ACSL4: variants seen among roughly 807,000 people sequenced by gnomAD.
ACSL4 encodes long-chain-fatty-acid--CoA ligase 4.
Under a neutral mutation model 49.1 loss-of-function variants are expected in ACSL4, and 9 were observed. That is an observed-to-expected ratio of 0.18 (90% confidence interval 0.11 to 0.32). ACSL4 has a LOEUF of 0.32. Ranked by LOEUF, ACSL4 falls within the 10% of genes least tolerant of loss-of-function variation. The pLI is 1.00. For missense variants in ACSL4, 333 were observed against 493.7 expected (o/e 0.67, Z 3.08); for synonymous variants, 191 against 170.3 (o/e 1.12, Z -0.95).
chrX:109,705,927 C>T (rs1207455479), intron 1 of ACSL4, among the ~76,000 whole-genome samples: 1 of 112,698 alleles, frequency 8.9e-6, no homozygotes, highest in Non-Finnish European at 1.9e-5. Context: ...AAACTCCCGA[C>T]CTCAGGTGAT....
intron 13 of ACSL4, among the ~76,000 whole-genome samples, chrX:109,662,867 G>A (rs1459653900): frequency 9.0e-6 from 1 of 111,377 alleles, no homozygotes; most frequent in Non-Finnish European, 1.9e-5. Context: ...CAAGAAAGAC[G>A]TCCTCTGAGC....
intron 1 of ACSL4, among the ~76,000 whole-genome samples, chrX:109,729,941 C>A (rs1363537282): frequency 8.9e-6 from 1 of 111,909 alleles, no homozygotes; most frequent in African/African-American, 3.3e-5. Flanking sequence ...TCAGTGGTTG[C>A]CAGGAGTCAG....
intron 3 of ACSL4, 22 bp from the exon 4 acceptor site, chrX:109,682,918 T>C (rs753700592): frequency 1.7e-6 from 2 of 1,176,070 alleles, no homozygotes; most frequent in South Asian, 3.6e-5. Context: ...ATACATTCTC[T>C]AATATTAGTA....
rs935775051 is a variant in ACSL4, at chrX:109,704,407, C to T, written c.-65-8211G>A. On this transcript the variant is annotated intron_variant, in intron 1 of 15. Transcript: ENST00000672401. ...GCCAAGAGAAATAGTCCAATCTTAG[C>T]TAATAATTCTATTATCATTCATTTT... Among the ~76,000 whole-genome samples, 80 of 74,815 alleles carry T rather than the reference C, an allele frequency of 1.1e-3. 1 individual carries two copies. The highest frequency in any genetic ancestry group is 2.5e-4 in the Non-Finnish European group (8 of 32,317). 65.0% of individuals were successfully genotyped at this position (74,815 alleles called of 115,157 possible).
intron 12 of ACSL4, among the ~76,000 whole-genome samples, chrX:109,664,865 T>G: frequency 8.9e-6 from 1 of 112,326 alleles, no homozygotes; most frequent in Middle Eastern, 4.6e-3. Context: ...TATCTTTCAT[T>G]AAGAAGACTG....
chrX:109,668,725 T>C, intron 10 of ACSL4, among the ~76,000 whole-genome samples: 1 of 111,891 alleles, frequency 8.9e-6, no homozygotes, highest in Admixed American at 9.5e-5. Flanking sequence ...TTTTTTTAGT[T>C]AGAAATGACA....
rs777069871 is a variant in ACSL4, at chrX:109,643,994, A to G, written c.*35T>C. ...TCTAGAGGTTGAAAACCACCAGGCTACCTCCTGCACAACTGTCAATAAGAC... is the reference window on the plus strand; with the variant it reads ...TCTAGAGGTTGAAAACCACCAGGCTGCCTCCTGCACAACTGTCAATAAGAC... On this transcript the variant is annotated 3_prime_UTR_variant, in exon 16 of 16. Transcript: ENST00000672401. 8.3e-7 allele frequency: 1 copy of G among 1,205,083 alleles called. No homozygotes were observed. The highest frequency in any genetic ancestry group is 1.1e-6 in the Non-Finnish European group (1 of 889,745).
intron 1 of ACSL4, among the ~76,000 whole-genome samples, chrX:109,730,249 A>T (rs762187069): frequency 1.2e-4 from 14 of 112,584 alleles, no homozygotes; most frequent in African/African-American, 4.5e-4. Context: ...ATGTGAATCT[A>T]CAACTATCTC....
At chrX:109,691,324 T>C (rs1416862566) in intron 2 of ACSL4, among the ~76,000 whole-genome samples, 1 of 112,362 alleles carries the variant, frequency 8.9e-6, no homozygotes, top group Non-Finnish European at 1.9e-5. Context: ...ATTTGCCTTC[T>C]GAAAAAGATT....
In ACSL4 at chrX:109,696,193, C is replaced by T. The variant is rs1264149690; in HGVS notation, c.-62G>A. The T allele has an allele frequency of 8.9e-6, 1 of 112,347 alleles. No homozygotes were observed. Among genetic ancestry groups the T allele is most frequent in the Non-Finnish European group, 1.9e-5 (1 of 53,276 alleles). The allele number at this position is 112,347 out of a possible 1,213,427, so 9.3% of individuals were successfully genotyped here. On this transcript the variant is annotated 5_prime_UTR_variant, in exon 2 of 16. Coordinates refer to ENST00000672401, the MANE Select transcript of ACSL4 (RefSeq NM_001318510.2). ...AGAACACGAATATCTTCTGTGATTT[C>T]AATCTGCAGTAAGAGACAGCATTTA...
intron 9 of ACSL4, among the ~76,000 whole-genome samples, chrX:109,672,388 A>C (rs1053167417): frequency 3.6e-5 from 4 of 111,569 alleles, no homozygotes; most frequent in Non-Finnish European, 7.5e-5. Flanking sequence ...CATAGACATC[A>C]GCAAGGCCTT....
intron 1 of ACSL4, among the ~76,000 whole-genome samples, chrX:109,714,476 G>A (rs1926977204): frequency 8.9e-6 from 1 of 111,981 alleles, no homozygotes; most frequent in South Asian, 3.7e-4. Context: ...GTGGACAGTG[G>A]TGTACAGTAA....
chrX:109,681,531 T>C (rs1000333740), intron 4 of ACSL4, among the ~76,000 whole-genome samples, 156 bp from the exon 5 acceptor site: 1 of 112,332 alleles, frequency 8.9e-6, no homozygotes, highest in Non-Finnish European at 1.9e-5. Context: ...CCTTCAACCT[T>C]GCTTCAAACT....
chrX:109,674,402 C>T lies in ACSL4; in HGVS notation c.1002G>A (p.Pro334=), dbSNP rs763924578. The T allele has an allele frequency of 4.9e-5, 59 of 1,197,240 alleles. No homozygotes were observed. The highest frequency in any genetic ancestry group is 6.2e-5 in the Non-Finnish European group (55 of 883,719). Residue 334 remains proline (P), a splice_region_variant and synonymous_variant, in exon 9 of 16, where the codon CCG becomes CCA. Transcript: ENST00000672401. ...VLKPTLMAAV[P]EIMDRIYKNV... The stretch of plus-strand genomic sequence containing the variant: ...GTTCATATTCATATTCTGTACTCAC[C>T]GGAACAGCAGCCATAAGTGTGGGCT...
chrX:109,666,605 A>G (rs941435130), intron 11 of ACSL4, among the ~76,000 whole-genome samples: 2 of 111,907 alleles, frequency 1.8e-5, no homozygotes, highest in African/African-American at 3.3e-5. Context: ...ATGTAGGCAG[A>G]CACAGCTGTT....
intron 8 of ACSL4, among the ~76,000 whole-genome samples, chrX:109,676,527 A>G (rs1024959156): frequency 1.8e-5 from 2 of 111,374 alleles, no homozygotes; most frequent in African/African-American, 3.3e-5. Context: ...AGCCACGTAT[A>G]GACAAGTCAT....
At chrX:109,645,393 C>T (rs1423370572) in intron 15 of ACSL4, among the ~76,000 whole-genome samples, 1 of 112,234 alleles carries the variant, frequency 8.9e-6, no homozygotes, top group African/African-American at 3.2e-5. Context: ...AAATGGGAGG[C>T]ACCCCCCAGC....
chrX:109,708,605 AC>A (rs1926534609), intron 1 of ACSL4, among the ~76,000 whole-genome samples: 3 of 112,002 alleles, frequency 2.7e-5, no homozygotes, highest in Admixed American at 9.5e-5. Flanking sequence ...TACTATAACT[AC>A]CATGGTTAAC....
At chrX:109,718,763 A>G (rs1927320702) in intron 1 of ACSL4, among the ~76,000 whole-genome samples, 3 of 110,741 alleles carry the variant, frequency 2.7e-5, no homozygotes, top group South Asian at 3.8e-4. Flanking sequence ...AAAAAAAAAA[A>G]AAAAAAAGAA....
Sources: allele counts gnomAD v4.1 joint callset (sites outside exome capture counted in the v4.1 genomes callset), GRCh38; gene constraint gnomAD v4.1.1; transcripts MANE v1.5; gene names NCBI Gene and HGNC (gene_info 2026-07-23, HGNC 2026-07-21).